ADD2: variants seen among roughly 807,000 people sequenced by gnomAD.
ADD2 encodes beta-adducin.
Under a neutral mutation model 83.0 loss-of-function variants are expected in ADD2, and 23 were observed. That is an observed-to-expected ratio of 0.28 (90% CI 0.20 to 0.39). ADD2 has a LOEUF of 0.39. Ranked by LOEUF, ADD2 falls within the 10% of genes least tolerant of loss-of-function variation. The probability of loss-of-function intolerance (pLI) is 1.00; values close to 1 mark genes in which losing one functional copy is unlikely to be tolerated. For synonymous variants in ADD2, 375 were observed against 375.4 expected (o/e 1.00, Z 0.01); for missense variants, 758 against 944.9 (o/e 0.80, Z 2.59).
At chr2:70,765,362 T>C (rs1465328774) in intron 1 of ADD2, among the ~76,000 whole-genome samples, 10 of 152,202 alleles carry the variant, frequency 6.6e-5, no homozygotes, top group African/African-American at 2.4e-4. Context: ...CAAAAAAATA[T>C]AAAACATAAA....
intron 4 of ADD2, 58 bp downstream of exon 4, chr2:70,704,263 T>TCCCCCCCCCCCCCACCC: frequency 5.5e-6 from 5 of 913,236 alleles, no homozygotes; most frequent in Admixed American, 2.1e-5. Context: ...CTCCCTCTCT[T>TCCCCCCCCCCCCCACCC]CCCCACCCCA....
At chr2:70,690,678 T>C in intron 8 of ADD2, 108 bp downstream of exon 8, 2 of 1,303,372 alleles carry the variant, frequency 1.5e-6, no homozygotes, top group Non-Finnish European at 2.1e-6. Context: ...TTTCTTTTTT[T>C]TCCCCCCTCT....
intron 2 of ADD2, among the ~76,000 whole-genome samples, chr2:70,708,472 ATATCCATAGTT>A (rs1553374932): frequency 1.3e-5 from 2 of 152,216 alleles, no homozygotes; most frequent in Non-Finnish European, 2.9e-5. Flanking sequence ...CTCGGTTGAA[ATATCCATAGTT>A]TAGATGTTAA....
At chr2:70,682,239 G>A (rs553219744) in intron 10 of ADD2, among the ~76,000 whole-genome samples, 1 of 152,172 alleles carries the variant, frequency 6.6e-6, no homozygotes, top group African/African-American at 2.4e-5. Context: ...CAATTATTAT[G>A]GCTTAGTATT....
chr2:70,684,702 G>GA (rs1670628534), intron 9 of ADD2, among the ~76,000 whole-genome samples: 1 of 152,220 alleles, frequency 6.6e-6, no homozygotes, highest in African/African-American at 2.4e-5. Flanking sequence ...CCAGAGAAAG[G>GA]AGACAGATAA....
chr2:70,707,390 C>A (rs954012382), intron 2 of ADD2, among the ~76,000 whole-genome samples: 1 of 152,256 alleles, frequency 6.6e-6, no homozygotes, highest in East Asian at 1.9e-4. Flanking sequence ...GCAAGGACCA[C>A]GACAGCCTCT....
At chr2:70,700,655 C>T (rs1671542913) in intron 4 of ADD2, among the ~76,000 whole-genome samples, 1 of 151,980 alleles carries the variant, frequency 6.6e-6, no homozygotes, top group South Asian at 2.1e-4. Context: ...CAAGAATTGG[C>T]TTATGTGAGA....
rs1553365012 is a variant in ADD2 at position 70,661,608 on chromosome 2, G to C, written c.*1817C>G. The C allele has an allele frequency of 2.0e-5, 3 of 152,244 alleles. No homozygotes were observed. Among genetic ancestry groups the C allele is most frequent in the African/African-American group, 7.2e-5 (3 of 41,446 alleles). The allele number at this position is 152,244 out of a possible 1,614,324, so 9.4% of individuals were successfully genotyped here. ...TGGATGGTATTTCCCGCCCCAACCA[G>C]AAGGCTCTTGCCTCTCCTTTGTCAG... On this transcript the variant is annotated 3_prime_UTR_variant, in exon 16 of 16. Transcript: ENST00000264436.
intron 1 of ADD2, among the ~76,000 whole-genome samples, chr2:70,755,180 G>A (rs901155396): frequency 6.6e-6 from 1 of 152,068 alleles, no homozygotes; most frequent in Non-Finnish European, 1.5e-5. Flanking sequence ...CCCTTCTCTC[G>A]AAGTACAGAC....
At chr2:70,714,633 A>C (rs1218354950) in intron 1 of ADD2, among the ~76,000 whole-genome samples, 3 of 152,194 alleles carry the variant, frequency 2.0e-5, no homozygotes, top group African/African-American at 7.2e-5. Flanking sequence ...CTTCTCCCAG[A>C]GGTTCTATTT....
Position 70,663,321 on chromosome 2 carries a change from G to T in ADD2, c.*104C>A. The stretch of plus-strand genomic sequence containing the variant: ...GTTCCCCTTCCGAATGTGGTCCAGG[G>T]TCCTACTCTATCCCTCCTTAGCCCT... On this transcript the variant is annotated 3_prime_UTR_variant, in exon 16 of 16. Transcript: ENST00000264436. 7.7e-7 allele frequency: 1 copy of T among 1,302,056 alleles called. No individual in the cohort carries two copies. Among genetic ancestry groups the T allele is most frequent in the Non-Finnish European group, 1.1e-6 (1 of 936,480 alleles). 80.7% of individuals were successfully genotyped at this position (1,302,056 alleles called of 1,614,324 possible). A position where few individuals can be genotyped will look rare whatever the true frequency, so the allele number is the denominator to read the frequency against.
intron 15 of ADD2, among the ~76,000 whole-genome samples, chr2:70,666,960 G>A (rs1300392536): frequency 6.6e-6 from 1 of 152,160 alleles, no homozygotes; most frequent in Non-Finnish European, 1.5e-5. Context: ...GACCACTGGA[G>A]GGTTCCACTG....
At chr2:70,680,074 C>A (rs868970602) in intron 10 of ADD2, among the ~76,000 whole-genome samples, 26 of 152,192 alleles carry the variant, frequency 1.7e-4, no homozygotes, top group Middle Eastern at 3.4e-3. Flanking sequence ...AATATCATAT[C>A]TATTAATATT....
At chr2:70,682,528 T>C (rs1378010130) in intron 10 of ADD2, among the ~76,000 whole-genome samples, 1 of 152,166 alleles carries the variant, frequency 6.6e-6, no homozygotes, top group African/African-American at 2.4e-5. Context: ...CTTGACATGA[T>C]AAAGAAGGCC....
chr2:70,675,516 T>C (rs1670088850), intron 13 of ADD2: 7 of 985,376 alleles, frequency 7.1e-6, no homozygotes, highest in Non-Finnish European at 8.4e-6. Flanking sequence ...TACATAAGCT[T>C]CAGGAATTCT....
chr2:70,728,664 CT>C (rs1650492577), intron 1 of ADD2, among the ~76,000 whole-genome samples: 2 of 152,176 alleles, frequency 1.3e-5, no homozygotes, highest in South Asian at 4.1e-4. Context: ...GGGATATATA[CT>C]TTTTGCACAG....
intron 7 of ADD2, chr2:70,691,935 C>G (rs1553371725): frequency 6.5e-6 from 1 of 152,834 alleles, no homozygotes; most frequent in Admixed American, 6.5e-5. Flanking sequence ...GAGAAATGAT[C>G]AGAGGGGGAC....
At chr2:70,742,071 T>A (rs1553381194) in intron 1 of ADD2, among the ~76,000 whole-genome samples, 1 of 152,244 alleles carries the variant, frequency 6.6e-6, no homozygotes, top group African/African-American at 2.4e-5. Flanking sequence ...CAATCTGTTT[T>A]AACTATTTAA....
chr2:70,728,676 A>G (rs1673133209), intron 1 of ADD2, among the ~76,000 whole-genome samples: 1 of 152,210 alleles, frequency 6.6e-6, no homozygotes, highest in Admixed American at 6.5e-5. Context: ...TTTTGCACAG[A>G]CAGTAACCAT....
Sources: allele counts gnomAD v4.1 joint callset (sites outside exome capture counted in the v4.1 genomes callset), GRCh38; gene constraint gnomAD v4.1.1; transcripts MANE v1.5; gene names NCBI Gene and HGNC (gene_info 2026-07-23, HGNC 2026-07-21).